The following SLC25A21 variants were observed in gnomAD, a reference collection of about 807,000 sequenced individuals.
SLC25A21 encodes the protein mitochondrial 2-oxodicarboxylate carrier.
SLC25A21 carries 47 observed loss-of-function variants against 43.8 expected under a neutral mutation model. That is an observed-to-expected ratio of 1.07 (90% CI 0.85 to 1.37). The LOEUF is 1.37. SLC25A21 is among the 40% of genes most tolerant of loss of function. SLC25A21 has a pLI of 0.00. For missense variants in SLC25A21, 352 were observed against 350.2 expected (o/e 1.00, Z -0.04); for synonymous variants, 131 against 121.3 (o/e 1.08, Z -0.52).
chr14:36,892,039 C>T lies in SLC25A21; in HGVS notation c.71-17035G>A, dbSNP rs985790708. The stretch of plus-strand genomic sequence containing the variant: ...GTGGTTAAGCATTACCCTGATCAAA[C>T]GGTGCCATCACAGACTTGCTAACCA... On this transcript the variant is annotated intron_variant, in intron 1 of 9. Transcript: ENST00000331299. 4.6e-5 allele frequency among the ~76,000 whole-genome samples: 7 copies of T among 152,150 alleles called. No individual in the cohort carries two copies. The East Asian group carries it at 5.8e-4, about 13-fold the overall frequency.
intron 2 of SLC25A21, among the ~76,000 whole-genome samples, chr14:36,843,462 A>C (rs896174903): frequency 1.2e-4 from 19 of 152,208 alleles, no homozygotes; most frequent in African/African-American, 4.1e-4. Context: ...ACAGTCCTAC[A>C]AGGTAAATAT....
intron 1 of SLC25A21, among the ~76,000 whole-genome samples, chr14:36,929,578 A>G (rs1892230798): frequency 6.6e-6 from 1 of 152,162 alleles, no homozygotes. Context: ...TAGGAATCGC[A>G]TGGTTCGAAG....
chr14:37,042,630 T>TA (rs1961498553), intron 1 of SLC25A21, among the ~76,000 whole-genome samples: 1 of 152,202 alleles, frequency 6.6e-6, no homozygotes, highest in African/African-American at 2.4e-5. Flanking sequence ...AGAAAAGCAT[T>TA]CTTGACATTA....
In SLC25A21 at chr14:36,729,547, T is replaced by C. The variant is rs1884736834; in HGVS notation, c.290A>G (p.Tyr97Cys). The change falls in exon 5 of 10, where the codon TAC becomes TGC. Residue 97 changes from tyrosine (Y) to cysteine (C), a missense_variant. Physicochemically the swap from Tyr to Cys is radical, Grantham distance 194 (BLOSUM62 -2). Transcript: ENST00000331299. Reference protein sequence around the residue: ...RAVKFFTFEQYKKLLGYVSLS... With the variant: ...RAVKFFTFEQCKKLLGYVSLS... ...TGACACATATCCCAGCAATTTCTTGTACTGCTCAAAGGTGAAAAACTGTGA... is the reference window on the plus strand; with the variant it reads ...TGACACATATCCCAGCAATTTCTTGCACTGCTCAAAGGTGAAAAACTGTGA... 1.2e-6 allele frequency: 2 copies of C among 1,610,498 alleles called. No homozygotes were observed. Among genetic ancestry groups the C allele is most frequent in the South Asian group, 2.2e-5 (2 of 90,010 alleles).
intron 3 of SLC25A21, among the ~76,000 whole-genome samples, chr14:36,773,920 T>C (rs1886719782): frequency 6.6e-6 from 1 of 152,222 alleles, no homozygotes; most frequent in South Asian, 2.1e-4. Context: ...TATTCACGGA[T>C]GCTTTTTGTA....
intron 2 of SLC25A21, among the ~76,000 whole-genome samples, chr14:36,860,858 A>G (rs1890047343): frequency 6.6e-6 from 1 of 152,228 alleles, no homozygotes; most frequent in Non-Finnish European, 1.5e-5. Flanking sequence ...TATCCCAGAT[A>G]GATTCTGATT....
intron 1 of SLC25A21, among the ~76,000 whole-genome samples, chr14:36,977,933 T>A (rs1959917742): frequency 7.6e-6 from 1 of 131,232 alleles, no homozygotes; most frequent in African/African-American, 3.0e-5. Context: ...CCTCAGTGAT[T>A]ACAAAGCTTT....
In SLC25A21 at chr14:37,052,495, A is replaced by G. The variant is rs146500899; in HGVS notation, c.70+119786T>C. The stretch of plus-strand genomic sequence containing the variant: ...AAATGTTAAATATCTTTGTTCTTTT[A>G]ACAGTGTTTTTATTTTTGCATGCTT... On this transcript the variant is annotated intron_variant, in intron 1 of 9. Transcript: ENST00000331299. Among the ~76,000 whole-genome samples, 547 of 152,328 alleles carry G rather than the reference A, an allele frequency of 3.6e-3. 3 individuals carry two copies. The highest frequency in any genetic ancestry group is 7.8e-3 in the African/African-American group (324 of 41,576).
chr14:36,774,412 A>T (rs1363438481), intron 3 of SLC25A21, among the ~76,000 whole-genome samples: 1 of 152,292 alleles, frequency 6.6e-6, no homozygotes, highest in East Asian at 1.9e-4. Context: ...CAAAAAGTTT[A>T]TTTCTCAGTA....
chr14:36,975,861 C>A (rs1266683736), intron 1 of SLC25A21, among the ~76,000 whole-genome samples: 1 of 152,162 alleles, frequency 6.6e-6, no homozygotes, highest in Non-Finnish European at 1.5e-5. Context: ...GTTTAAGACA[C>A]CCTGCAGAAG....
chr14:36,813,140 A>G (rs571417686), intron 3 of SLC25A21, among the ~76,000 whole-genome samples: 14 of 152,080 alleles, frequency 9.2e-5, no homozygotes, highest in Non-Finnish European at 1.5e-5. Context: ...TTTGTTACAC[A>G]TGCCATGGTG....
chr14:36,683,885 A>G lies in SLC25A21; in HGVS notation c.786-5T>C. ...CCTTTGTACAAAGCTAAAATCCTGTAATGGGAAGGGAAAGAGAAACGTTCT... is the reference window on the plus strand; with the variant it reads ...CCTTTGTACAAAGCTAAAATCCTGTGATGGGAAGGGAAAGAGAAACGTTCT... On this transcript the variant is annotated splice_region_variant and splice_polypyrimidine_tract_variant and intron_variant, in intron 8 of 9. Transcript: ENST00000331299. The G allele has an allele frequency of 6.2e-7, 1 of 1,602,640 alleles. No individual in the cohort carries two copies. The highest frequency in any genetic ancestry group is 8.5e-7 in the Non-Finnish European group (1 of 1,172,940).
chr14:37,162,060 A>G (rs1479662070), intron 1 of SLC25A21, among the ~76,000 whole-genome samples: 5 of 152,052 alleles, frequency 3.3e-5, no homozygotes, highest in Non-Finnish European at 5.9e-5. Flanking sequence ...GATTGGAGTA[A>G]TGTGTCCACA....
chr14:37,092,038 G>T (rs1962597122), intron 1 of SLC25A21, among the ~76,000 whole-genome samples: 1 of 152,074 alleles, frequency 6.6e-6, no homozygotes, highest in African/African-American at 2.4e-5. Flanking sequence ...GAGGTGGGGG[G>T]ATCATTTGAG....
At chr14:36,854,164 G>C (rs951411187) in intron 2 of SLC25A21, among the ~76,000 whole-genome samples, 1 of 152,164 alleles carries the variant, frequency 6.6e-6, no homozygotes, top group Non-Finnish European at 1.5e-5. Context: ...AATGCGACAT[G>C]ATCTCACATT....
At chr14:36,779,604 GTATACATA>G (rs1348214799) in intron 3 of SLC25A21, among the ~76,000 whole-genome samples, 24 of 51,892 alleles carry the variant, frequency 4.6e-4, no homozygotes, top group Admixed American at 4.2e-3. Flanking sequence ...ATGTATATGT[GTATACATA>G]TATATATATA....
chr14:36,838,298 G>A (rs1023257691), intron 2 of SLC25A21, among the ~76,000 whole-genome samples: 1 of 152,196 alleles, frequency 6.6e-6, no homozygotes, highest in Non-Finnish European at 1.5e-5. Flanking sequence ...CTGGAAGAGT[G>A]AAATAAGCAC....
At chr14:36,985,798 A>G (rs1594738504) in intron 1 of SLC25A21, among the ~76,000 whole-genome samples, 1 of 152,150 alleles carries the variant, frequency 6.6e-6, no homozygotes, top group East Asian at 1.9e-4. Flanking sequence ...ATCTCCATGT[A>G]TTTATTCACT....
At chr14:36,863,645 C>T (rs1000387006) in intron 2 of SLC25A21, among the ~76,000 whole-genome samples, 13 of 152,034 alleles carry the variant, frequency 8.6e-5, no homozygotes, top group African/African-American at 3.1e-4. Context: ...GAGGATTTTC[C>T]TCCTTATTAA....
Sources: allele counts gnomAD v4.1 joint callset (sites outside exome capture counted in the v4.1 genomes callset), GRCh38; gene constraint gnomAD v4.1.1; transcripts MANE v1.5; gene names NCBI Gene and HGNC (gene_info 2026-07-23, HGNC 2026-07-21).